MIS18A: variants seen among roughly 807,000 people sequenced by gnomAD.
The protein encoded by MIS18A is protein Mis18-alpha.
A neutral mutation model predicts 25.0 loss-of-function variants in MIS18A; 14 were observed. The observed-to-expected ratio is 0.56, with a 90% CI of 0.37 to 0.88. The LOEUF (loss-of-function observed/expected upper bound fraction) is 0.88, where lower values mean the gene tolerates loss of function less well. Among genes scored for constraint, MIS18A ranks in the 40% least tolerant of loss-of-function variants. The pLI is 0.00. For missense variants in MIS18A, 292 were observed against 290.8 expected (o/e 1.00, Z -0.03); for synonymous variants, 134 against 118.6 (o/e 1.13, Z -0.84).
At chr21:32,270,137 T>G (rs534507521) in intron 3 of MIS18A, among the ~76,000 whole-genome samples, 1 of 152,188 alleles carries the variant, frequency 6.6e-6, no homozygotes, top group Non-Finnish European at 1.5e-5. Context: ...AATATCCTAC[T>G]GAACTACTTT....
At chr21:32,267,436 TATC>T (rs2031625971), downstream of MIS18A, among the ~76,000 whole-genome samples, 1 of 152,246 alleles carries the variant, frequency 6.6e-6, no homozygotes, top group African/African-American at 2.4e-5. Context: ...GAGCTACATT[TATC>T]TTCTGATCTG....
At chr21:32,273,541 A>C (rs1424895732) in intron 2 of MIS18A, among the ~76,000 whole-genome samples, 2 of 152,160 alleles carry the variant, frequency 1.3e-5, no homozygotes, top group Non-Finnish European at 2.9e-5. Flanking sequence ...AAGACCAAAC[A>C]TGGTAACAAA....
the MIS18A span, among the ~76,000 whole-genome samples, chr21:32,253,753 C>A: frequency 6.6e-6 from 1 of 152,118 alleles, no homozygotes; most frequent in African/African-American, 2.4e-5. Flanking sequence ...TCTGATTAGC[C>A]CAAAACGCTC....
At position 32,268,861 on chromosome 21, in the gene MIS18A, G is replaced by A. The variant is rs2031656253; in HGVS notation, c.*176C>T. The A allele has an allele frequency of 4.3e-6, 2 of 466,506 alleles. No individual in the cohort carries two copies. The highest frequency in any genetic ancestry group is 2.0e-5 in the African/African-American group (1 of 50,348). 28.9% of individuals were successfully genotyped at this position (466,506 alleles called of 1,614,324 possible). A position where few individuals can be genotyped will look rare whatever the true frequency, so the allele number is the denominator to read the frequency against. ...AGAACACAGTAGTGGCATGACCAAG[G>A]CTCACTGCAGCCTCAACCTCCCAAG... On this transcript the variant is annotated 3_prime_UTR_variant, in exon 5 of 5. Coordinates refer to ENST00000290130, the MANE Select transcript of MIS18A (RefSeq NM_018944.3).
the MIS18A span, among the ~76,000 whole-genome samples, chr21:32,228,330 G>T: frequency 6.6e-6 from 1 of 152,018 alleles, no homozygotes; most frequent in African/African-American, 2.4e-5. Flanking sequence ...CTAGTGATCC[G>T]CCCACCTCGG....
At chr21:32,258,599 CT>C in the MIS18A span, among the ~76,000 whole-genome samples, 10 of 152,258 alleles carry the variant, frequency 6.6e-5, no homozygotes, top group Non-Finnish European at 1.2e-4. Context: ...TACTAACCTA[CT>C]TTACAGCATG....
At chr21:32,269,548 G>T in intron 4 of MIS18A, 159 bp downstream of exon 4, 1 of 551,310 alleles carries the variant, frequency 1.8e-6, no homozygotes. Context: ...TAGCTTTTGA[G>T]TTCCCCAAAA....
chr21:32,274,229 C>T (rs1484457136), intron 2 of MIS18A, among the ~76,000 whole-genome samples: 1 of 79,894 alleles, frequency 1.3e-5, no homozygotes, highest in Admixed American at 2.1e-4. Flanking sequence ...TTTTTTGAGA[C>T]GGAGTCTTTC....
chr21:32,229,177 A>G, the MIS18A span, among the ~76,000 whole-genome samples: 13 of 152,242 alleles, frequency 8.5e-5, no homozygotes, highest in Non-Finnish European at 1.8e-4. Flanking sequence ...AACTGGATAT[A>G]TGTCAAAAAA....
the MIS18A span, among the ~76,000 whole-genome samples, chr21:32,253,728 G>A: frequency 6.6e-6 from 1 of 152,148 alleles, no homozygotes; most frequent in Non-Finnish European, 1.5e-5. Flanking sequence ...TCATAATTCA[G>A]AAGGCAGGCT....
the MIS18A span, among the ~76,000 whole-genome samples, chr21:32,157,502 T>TA: frequency 1 from 152,070 of 152,070 alleles, 76,035 homozygotes; most frequent in Non-Finnish European, 1. Context: ...TGGTTATTTT[T>TA]CAATTTATTA....
the MIS18A span, among the ~76,000 whole-genome samples, chr21:32,219,991 T>C: frequency 0.011 from 1,669 of 152,258 alleles, 25 homozygotes; most frequent in African/African-American, 0.037. Context: ...TGCTTATAGA[T>C]AAAACTCCCA....
the MIS18A span, among the ~76,000 whole-genome samples, chr21:32,156,688 A>G: frequency 6.6e-6 from 1 of 152,040 alleles, no homozygotes; most frequent in Admixed American, 6.6e-5. Context: ...AGACCATTTT[A>G]CCTTTTCTGG....
At chr21:32,252,160 T>G in the MIS18A span, among the ~76,000 whole-genome samples, 1 of 146,506 alleles carries the variant, frequency 6.8e-6, no homozygotes, top group Non-Finnish European at 1.5e-5. Context: ...CACTCCAGTC[T>G]GGGCAACAAA....
At chr21:32,266,577 C>G (rs990066461), downstream of MIS18A, among the ~76,000 whole-genome samples, 2 of 151,564 alleles carry the variant, frequency 1.3e-5, no homozygotes, top group East Asian at 1.9e-4. Flanking sequence ...CCGGGAGGAA[C>G]GAACAACTCC....
At chr21:32,259,274 G>A in the MIS18A span, among the ~76,000 whole-genome samples, 6,826 of 152,146 alleles carry the variant, frequency 0.045, 206 homozygotes, top group South Asian at 0.12. Flanking sequence ...GGGCCTCCTC[G>A]CTCCAAGACC....
downstream of MIS18A, among the ~76,000 whole-genome samples, chr21:32,264,841 T>C (rs1392180830): frequency 6.6e-6 from 1 of 152,198 alleles, no homozygotes; most frequent in Non-Finnish European, 1.5e-5. Flanking sequence ...CATTCAGGCA[T>C]CGATGCTACA....
chr21:32,158,396 T>G, the MIS18A span, among the ~76,000 whole-genome samples: 1 of 152,176 alleles, frequency 6.6e-6, no homozygotes, highest in African/African-American at 2.4e-5. Context: ...TAAAATCTTG[T>G]TTTAACCAAT....
chr21:32,187,588 A>G, the MIS18A span, among the ~76,000 whole-genome samples: 1 of 152,158 alleles, frequency 6.6e-6, no homozygotes, highest in African/African-American at 2.4e-5. Context: ...TGCCCCATAA[A>G]AGGATGTGTT....
Sources: allele counts gnomAD v4.1 joint callset (sites outside exome capture counted in the v4.1 genomes callset), GRCh38; gene constraint gnomAD v4.1.1; transcripts MANE v1.5; gene names NCBI Gene and HGNC (gene_info 2026-07-23, HGNC 2026-07-21).